Variants in C20orf203 observed in about 807,000 individuals in gnomAD.
The protein encoded by C20orf203 is chromosome 20 open reading frame 203.
C20orf203 carries 16 observed loss-of-function variants against 15.9 expected under a neutral mutation model. That is an observed-to-expected ratio of 1.01 (90% CI 0.68 to 1.53). The LOEUF is 1.53. C20orf203 is among the 40% of genes most tolerant of loss of function. C20orf203 has a pLI of 0.00. For missense variants in C20orf203, 263 were observed against 247.5 expected, an observed-to-expected ratio of 1.06 and a Z score of -0.42; for synonymous variants, 98 against 97.2, an observed-to-expected ratio of 1.01 and a Z score of -0.05.
intron 1 of C20orf203, among the ~76,000 whole-genome samples, chr20:32,659,979 T>G (rs1222180360): frequency 6.6e-6 from 1 of 151,986 alleles, no homozygotes; most frequent in African/African-American, 2.4e-5. Flanking sequence ...ACCTGGGGAG[T>G]GTGTGTCAGT....
In C20orf203 at chr20:32,660,973, C is replaced by T. The variant is rs114944890; in HGVS notation, c.-263-8992G>A. ...CTGCCTCCATGATTCGATTACCTCC[C>T]ACTGGGTCCCTCCCACGACATGTGG... On this transcript the variant is annotated intron_variant, in intron 1 of 5. Coordinates refer to ENST00000608990, the MANE Select transcript of C20orf203 (RefSeq NM_182584.4). Among the ~76,000 whole-genome samples the T allele has an allele frequency of 5.0e-3, 754 of 152,302 alleles. 6 individuals are homozygous for T. Among genetic ancestry groups the T allele is most frequent in the African/African-American group, 0.018 (729 of 41,560 alleles).
intron 1 of C20orf203, among the ~76,000 whole-genome samples, chr20:32,662,284 G>A (rs993716482): frequency 2.0e-5 from 3 of 152,144 alleles, no homozygotes; most frequent in African/African-American, 7.2e-5. Context: ...GCCCTGCTCT[G>A]CAAGGAGCTA....
intron 1 of C20orf203, among the ~76,000 whole-genome samples, chr20:32,661,250 G>A (rs984904075): frequency 3.3e-5 from 5 of 152,124 alleles, no homozygotes; most frequent in African/African-American, 7.2e-5. Context: ...GCTCTTTGCC[G>A]GGCATTGAGG....
At chr20:32,645,657 C>T (rs1982404371) in intron 4 of C20orf203, among the ~76,000 whole-genome samples, 1 of 152,236 alleles carries the variant, frequency 6.6e-6, no homozygotes, top group Admixed American at 6.5e-5. Context: ...TTTCCCACCA[C>T]ACTGCCCATC....
intron 1 of C20orf203, among the ~76,000 whole-genome samples, chr20:32,668,601 A>G (rs1568756716): frequency 6.6e-6 from 1 of 151,570 alleles, no homozygotes; most frequent in Non-Finnish European, 1.5e-5. Context: ...ACTCCAGCCT[A>G]GGTGACAGAG....
chr20:32,659,104 C>G (rs59562596), intron 1 of C20orf203, among the ~76,000 whole-genome samples: 3,292 of 152,098 alleles, frequency 0.022, 129 homozygotes, highest in African/African-American at 0.074. Flanking sequence ...CTCAAACTCC[C>G]AAACTCAAGT....
At chr20:32,657,398 G>C (rs1400516417) in intron 1 of C20orf203, 1 of 152,024 alleles carries the variant, frequency 6.6e-6, no homozygotes, top group African/African-American at 2.4e-5. Context: ...GCTGAGGTAG[G>C]AGAATCACTT....
rs971411697 is a variant in C20orf203, at chr20:32,635,924, C to T, written c.*1300-1654G>A. ...CAGCAAAAACCCCCAGGGAGCCACC[C>T]GGAATGACGTGTCGTCCTCCCATCC... On this transcript the variant is annotated intron_variant, in intron 5 of 5. Transcript: ENST00000608990. Among the ~76,000 whole-genome samples, 12 of 152,300 alleles carry T rather than the reference C, an allele frequency of 7.9e-5. No homozygotes were observed. In the South Asian group the frequency reaches 8.3e-4, roughly 11 times the overall value.
chr20:32,666,641 T>C (rs1219009128), intron 1 of C20orf203, among the ~76,000 whole-genome samples: 3 of 149,148 alleles, frequency 2.0e-5, no homozygotes, highest in African/African-American at 7.4e-5. Context: ...CATGTGCCTG[T>C]AGTCCCAGCT....
intron 1 of C20orf203, chr20:32,657,072 G>A (rs1982776878): frequency 6.5e-6 from 1 of 153,680 alleles, no homozygotes; most frequent in African/African-American, 2.4e-5. Flanking sequence ...GCTGGGGCCA[G>A]ACACAGTGGT....
intron 1 of C20orf203, among the ~76,000 whole-genome samples, chr20:32,658,156 G>A (rs2145677112): frequency 1.3e-5 from 2 of 152,160 alleles, no homozygotes; most frequent in Non-Finnish European, 2.9e-5. Context: ...GGCCAACACG[G>A]TGAAACCCCA....
At chr20:32,645,603 C>T (rs187599589) in intron 4 of C20orf203, among the ~76,000 whole-genome samples, 2 of 152,354 alleles carry the variant, frequency 1.3e-5, no homozygotes, top group South Asian at 2.1e-4. Flanking sequence ...AGCGCAGAAG[C>T]AGACATTGGA....
chr20:32,652,345 A>G (rs1982654230), intron 1 of C20orf203, among the ~76,000 whole-genome samples: 1 of 151,376 alleles, frequency 6.6e-6, no homozygotes, highest in East Asian at 1.9e-4. Context: ...AAAAAAAAAA[A>G]AAAGCAAATA....
intron 1 of C20orf203, among the ~76,000 whole-genome samples, chr20:32,664,279 G>A (rs1254061433): frequency 6.6e-6 from 1 of 152,208 alleles, no homozygotes; most frequent in Non-Finnish European, 1.5e-5. Flanking sequence ...GATCCAGGCC[G>A]GCCTCCTGCC....
Position 32,658,679 on chromosome 20 carries a change from A to T in C20orf203, c.-263-6698T>A, listed in dbSNP as rs560999849. Among the ~76,000 whole-genome samples the T allele has an allele frequency of 2.0e-5, 3 of 152,282 alleles. No individual in the cohort carries two copies. The South Asian group carries it at 6.2e-4, about 32-fold the overall frequency. ...AATCACTTCTACAGACAGAAAAAACAATAAAGCTTTTTGCTGTGTTGCAGG... is the reference window on the plus strand; with the variant it reads ...AATCACTTCTACAGACAGAAAAAACTATAAAGCTTTTTGCTGTGTTGCAGG... On this transcript the variant is annotated intron_variant, in intron 1 of 5. Coordinates refer to ENST00000608990, the MANE Select transcript of C20orf203 (RefSeq NM_182584.4).
At chr20:32,650,984 C>T (rs1818553713) in intron 3 of C20orf203, 34 bp downstream of exon 3, 3 of 1,452,856 alleles carry the variant, frequency 2.1e-6, no homozygotes, top group East Asian at 2.5e-5. Flanking sequence ...CCAGTGTCAG[C>T]CCAGGTGTGG....
At chr20:32,645,405 G>A (rs1053994397) in intron 4 of C20orf203, among the ~76,000 whole-genome samples, 1 of 152,128 alleles carries the variant, frequency 6.6e-6, no homozygotes, top group Non-Finnish European at 1.5e-5. Flanking sequence ...GGGGAGGGGG[G>A]CCCATCATAC....
chr20:32,666,490 G>T (rs982387124), intron 1 of C20orf203, among the ~76,000 whole-genome samples: 3 of 150,404 alleles, frequency 2.0e-5, no homozygotes, highest in Non-Finnish European at 4.4e-5. Flanking sequence ...AAGTCCAGGC[G>T]CAGTGGCTCA....
chr20:32,643,077 G>A (rs1982327834), intron 4 of C20orf203, among the ~76,000 whole-genome samples: 1 of 152,204 alleles, frequency 6.6e-6, no homozygotes, highest in African/African-American at 2.4e-5. Context: ...CCTGAGACCA[G>A]CCGCCGCATG....
Sources: allele counts gnomAD v4.1 joint callset (sites outside exome capture counted in the v4.1 genomes callset), GRCh38; gene constraint gnomAD v4.1.1; transcripts MANE v1.5; gene names NCBI Gene and HGNC (gene_info 2026-07-23, HGNC 2026-07-21).